FAM219A: variants seen among roughly 807,000 people sequenced by gnomAD.
The protein encoded by FAM219A is family with sequence similarity 219 member A.
In FAM219A, 7 loss-of-function variants were observed where a neutral mutation model predicts 23.4. The ratio of observed to expected loss-of-function variants is 0.30; its 90% CI spans 0.17 to 0.56. The LOEUF is 0.56. FAM219A is among the 20% of genes least tolerant of loss of function. FAM219A has a pLI of 0.92. For missense variants in FAM219A, 166 were observed against 246.9 expected (o/e 0.67, Z 2.20); for synonymous variants, 93 against 99.0 (o/e 0.94, Z 0.36).
intron 1 of FAM219A, among the ~76,000 whole-genome samples, chr9:34,448,960 T>C (rs1416748140): frequency 7.4e-6 from 1 of 135,950 alleles, no homozygotes; most frequent in East Asian, 2.0e-4. Flanking sequence ...CTTATCCACA[T>C]AACCAAAAAC....
chr9:34,455,414 G>T (rs1337022040), intron 1 of FAM219A, among the ~76,000 whole-genome samples: 1 of 151,582 alleles, frequency 6.6e-6, no homozygotes, highest in African/African-American at 2.4e-5. Flanking sequence ...TACCCTTAAA[G>T]AGCCACTTTG....
Position 34,398,617 on chromosome 9 carries a change from C to T in FAM219A, c.*2347G>A. The T allele has an allele frequency of 1.9e-6, 1 of 539,154 alleles. No homozygotes were observed. Among genetic ancestry groups the T allele is most frequent in the Non-Finnish European group, 3.3e-6 (1 of 300,036 alleles). 33.4% of individuals were successfully genotyped at this position (539,154 alleles called of 1,614,324 possible). On this transcript the variant is annotated 3_prime_UTR_variant, in exon 6 of 6. Coordinates refer to ENST00000651358, the MANE Select transcript of FAM219A (RefSeq NM_001184940.2). The stretch of plus-strand genomic sequence containing the variant: ...GAGATTTTCCCTGGTGTCTCAGGGC[C>T]ACAGAGATTGAACAATGGGCCCGAG...
intron 1 of FAM219A, among the ~76,000 whole-genome samples, chr9:34,439,049 T>C (rs1331839841): frequency 6.7e-6 from 1 of 148,764 alleles, no homozygotes; most frequent in African/African-American, 2.5e-5. Context: ...GGCGCTGCCT[T>C]AAGAGCTGTA....
chr9:34,403,386 A>G (rs908194715), intron 2 of FAM219A, among the ~76,000 whole-genome samples: 6 of 152,234 alleles, frequency 3.9e-5, no homozygotes, highest in Non-Finnish European at 8.8e-5. Flanking sequence ...AACTCAGAAC[A>G]TGAAGGACTT....
At chr9:34,411,550 G>A (rs561984554) in intron 1 of FAM219A, among the ~76,000 whole-genome samples, 62 of 151,784 alleles carry the variant, frequency 4.1e-4, no homozygotes, top group African/African-American at 1.2e-3. Flanking sequence ...GGTGGTGGGC[G>A]CCTGTAGTCC....
intron 4 of FAM219A, 145 bp downstream of exon 4, chr9:34,402,242 C>T: frequency 1.2e-6 from 2 of 1,606,828 alleles, no homozygotes; most frequent in Non-Finnish European, 1.7e-6. Context: ...AAAAAAATTC[C>T]CATCCCTGGA....
At chr9:34,437,204 C>G (rs547926113) in intron 1 of FAM219A, among the ~76,000 whole-genome samples, 2 of 152,314 alleles carry the variant, frequency 1.3e-5, no homozygotes, top group South Asian at 4.1e-4. Flanking sequence ...ATTATCTTGA[C>G]TAGGATCTTA....
intron 1 of FAM219A, among the ~76,000 whole-genome samples, chr9:34,410,025 C>T (rs1220504393): frequency 6.6e-6 from 1 of 152,128 alleles, no homozygotes; most frequent in Non-Finnish European, 1.5e-5. Context: ...AATGAGGAAA[C>T]CTGGGCCGAG....
At chr9:34,415,410 G>T (rs1821965225) in intron 1 of FAM219A, among the ~76,000 whole-genome samples, 1 of 152,168 alleles carries the variant, frequency 6.6e-6, no homozygotes, top group South Asian at 2.1e-4. Flanking sequence ...CTGTCACTGG[G>T]ACAACCAAAA....
intron 1 of FAM219A, among the ~76,000 whole-genome samples, chr9:34,432,515 C>T (rs1822754195): frequency 6.6e-6 from 1 of 152,206 alleles, no homozygotes; most frequent in South Asian, 2.1e-4. Flanking sequence ...GTTTTGACTG[C>T]CCTTCCTACT....
At chr9:34,450,917 T>C (rs1823541696) in intron 1 of FAM219A, among the ~76,000 whole-genome samples, 2 of 152,190 alleles carry the variant, frequency 1.3e-5, no homozygotes, top group Non-Finnish European at 2.9e-5. Context: ...GAAAACACCA[T>C]TCATAGCTGT....
chr9:34,407,995 T>C (rs1412447029), intron 1 of FAM219A, among the ~76,000 whole-genome samples: 1 of 152,212 alleles, frequency 6.6e-6, no homozygotes, highest in Non-Finnish European at 1.5e-5. Context: ...ATCCTGGCCT[T>C]GTCTGTGTTC....
Position 34,415,337 on chromosome 9 carries a change from C to A in FAM219A, c.61-9373G>T, listed in dbSNP as rs539225985. On this transcript the variant is annotated intron_variant, in intron 1 of 5. Transcript: ENST00000651358. Reference sequence around the variant, plus strand: ...GAGGATTTTCTGACTGCTTAAACAGCTGCTAGTATAGAATTCATTACTAAA... The same window carrying A: ...GAGGATTTTCTGACTGCTTAAACAGATGCTAGTATAGAATTCATTACTAAA... Among the ~76,000 whole-genome samples, 3 of 152,310 alleles carry A rather than the reference C, an allele frequency of 2.0e-5. No homozygotes were observed. In the South Asian group the frequency reaches 6.2e-4, roughly 32 times the overall value.
In FAM219A at chr9:34,440,576, C is replaced by T. The variant is rs546139027; in HGVS notation, c.60+17628G>A. ...TAAAAAAAAACAATTTTTGGCCAGG[C>T]GTGGTGGCTCACGCCTGTAATCCCA... On this transcript the variant is annotated intron_variant, in intron 1 of 5. Coordinates refer to ENST00000651358, the MANE Select transcript of FAM219A (RefSeq NM_001184940.2). 4.2e-4 allele frequency among the ~76,000 whole-genome samples: 64 copies of T among 151,912 alleles called. 1 individual carries two copies. In the Middle Eastern group the frequency reaches 0.014, roughly 32 times the overall value.
chr9:34,439,475 C>T (rs1474127073), intron 1 of FAM219A, among the ~76,000 whole-genome samples: 1 of 152,042 alleles, frequency 6.6e-6, no homozygotes, highest in East Asian at 1.9e-4. Context: ...TTCAAAAGGA[C>T]CCACGTTAAT....
intron 2 of FAM219A, among the ~76,000 whole-genome samples, chr9:34,404,102 C>T (rs1156595159): frequency 6.6e-6 from 1 of 152,166 alleles, no homozygotes; most frequent in Non-Finnish European, 1.5e-5. Context: ...ATTTTAAAAG[C>T]ATGCTGAAAT....
intron 1 of FAM219A, among the ~76,000 whole-genome samples, chr9:34,430,593 C>T (rs1442759317): frequency 3.5e-5 from 5 of 142,124 alleles, no homozygotes; most frequent in African/African-American, 7.9e-5. Context: ...GCCGAGATCG[C>T]GCCACTGCAC....
At chr9:34,449,334 A>G (rs1475330090) in intron 1 of FAM219A, among the ~76,000 whole-genome samples, 2 of 152,238 alleles carry the variant, frequency 1.3e-5, no homozygotes, top group Admixed American at 6.5e-5. Context: ...TGGCTAGTGT[A>G]TACAATATAT....
At chr9:34,428,248 A>G (rs1822559502) in intron 1 of FAM219A, among the ~76,000 whole-genome samples, 1 of 152,202 alleles carries the variant, frequency 6.6e-6, no homozygotes, top group Non-Finnish European at 1.5e-5. Context: ...GAAACTCTTC[A>G]GGATTTAGAC....
Sources: gnomAD v4.1 joint callset for allele counts (sites outside exome capture counted in the v4.1 genomes callset) on GRCh38, gnomAD v4.1.1 for gene constraint, MANE v1.5 for transcripts, NCBI Gene and HGNC (gene_info 2026-07-23, HGNC 2026-07-21) for gene names.